YTHDC2: variants seen among roughly 807,000 people sequenced by gnomAD.
YTHDC2 encodes the protein YTH N6-methyladenosine RNA binding protein C2.
YTHDC2 carries 45 observed loss-of-function variants against 174.9 expected under a neutral mutation model. The ratio of observed to expected loss-of-function variants is 0.26; its 90% CI spans 0.20 to 0.33. The LOEUF (loss-of-function observed/expected upper bound fraction) is 0.33, where lower values mean the gene tolerates loss of function less well. YTHDC2 is among the 10% of genes least tolerant of loss of function. YTHDC2 has a pLI of 1.00. For missense variants in YTHDC2, 1,650 were observed against 1,723.7 expected (o/e 0.96, Z 0.76); for synonymous variants, 657 against 574.5 (o/e 1.14, Z -2.05).
At chr5:113,537,554 T>G (rs1002824914) in intron 7 of YTHDC2, among the ~76,000 whole-genome samples, 11 of 151,848 alleles carry the variant, frequency 7.2e-5, no homozygotes, top group Non-Finnish European at 1.6e-4. Context: ...TTTTTTTTTT[T>G]CTGTTCGTTC....
intron 10 of YTHDC2, among the ~76,000 whole-genome samples, chr5:113,548,008 ACTTT>A (rs1776005135): frequency 6.6e-6 from 1 of 152,170 alleles, no homozygotes; most frequent in Non-Finnish European, 1.5e-5. Context: ...TGGGAAATAA[ACTTT>A]CTGTCAGTGT....
intron 7 of YTHDC2, among the ~76,000 whole-genome samples, chr5:113,537,365 T>C (rs1334731647): frequency 5.4e-5 from 8 of 148,126 alleles, no homozygotes; most frequent in Admixed American, 6.6e-5. Flanking sequence ...CTCTCTCTTT[T>C]TTTTTTTTTT....
chr5:113,559,511 A>G (rs936720056), intron 17 of YTHDC2, among the ~76,000 whole-genome samples: 2 of 152,224 alleles, frequency 1.3e-5, no homozygotes, highest in Non-Finnish European at 2.9e-5. Flanking sequence ...GATAAAGCCC[A>G]TAGCACCAGA....
intron 26 of YTHDC2, among the ~76,000 whole-genome samples, chr5:113,586,032 ATTGT>A (rs1048059450): frequency 1.5e-4 from 23 of 152,128 alleles, no homozygotes; most frequent in African/African-American, 4.3e-4. Context: ...TAGGATTAGT[ATTGT>A]TTGAGTTGTT....
chr5:113,562,466 A>T (rs1777058886), intron 18 of YTHDC2, among the ~76,000 whole-genome samples: 1 of 151,702 alleles, frequency 6.6e-6, no homozygotes, highest in Admixed American at 6.6e-5. Context: ...CCCACTTCCC[A>T]ATGCTTATGT....
chr5:113,594,344 A>C lies in YTHDC2; in HGVS notation c.*870A>C, dbSNP rs1779153654. The C allele has an allele frequency of 6.6e-6, 1 of 152,180 alleles. No homozygotes were observed. 9.4% of individuals were successfully genotyped at this position (152,180 alleles called of 1,614,324 possible). On this transcript the variant is annotated 3_prime_UTR_variant, in exon 30 of 30. Coordinates refer to ENST00000161863, the MANE Select transcript of YTHDC2 (RefSeq NM_022828.5). ...CTTGATTGAAACAAGTTCAAAATTT[A>C]AACAAGTTCATACAAGTTTTTAAAA...
intron 9 of YTHDC2, among the ~76,000 whole-genome samples, chr5:113,541,838 A>G (rs1300922402): frequency 6.6e-6 from 1 of 152,120 alleles, no homozygotes; most frequent in Non-Finnish European, 1.5e-5. Context: ...CACATGCTAT[A>G]TAAAAAAACA....
At chr5:113,526,174 T>C (rs1774224714) in intron 3 of YTHDC2, among the ~76,000 whole-genome samples, 2 of 152,128 alleles carry the variant, frequency 1.3e-5, no homozygotes, top group South Asian at 4.1e-4. Flanking sequence ...TAATGTACAT[T>C]ATTTCCTACT....
intron 20 of YTHDC2, among the ~76,000 whole-genome samples, chr5:113,565,367 CAG>C (rs1438594169): frequency 6.6e-6 from 1 of 152,084 alleles, no homozygotes; most frequent in Non-Finnish European, 1.5e-5. Flanking sequence ...CCTTCAAAAG[CAG>C]AGAGGATAAA....
intron 4 of YTHDC2, among the ~76,000 whole-genome samples, chr5:113,528,121 A>G (rs1774403819): frequency 6.6e-6 from 1 of 152,214 alleles, no homozygotes; most frequent in South Asian, 2.1e-4. Flanking sequence ...AAGTTTCGAT[A>G]AAATGTAATA....
At position 113,553,580 on chromosome 5, in the gene YTHDC2, C is replaced by G. The variant is rs544931401; in HGVS notation, c.1868-10C>G. On this transcript the variant is annotated splice_polypyrimidine_tract_variant and intron_variant, in intron 13 of 29. Coordinates refer to ENST00000161863, the MANE Select transcript of YTHDC2 (RefSeq NM_022828.5). ...TGAGATTTAATATTAAAAAGTCATTCTTCTCCAAGGTGCAGTACTAATTTT... is the reference window on the plus strand; with the variant it reads ...TGAGATTTAATATTAAAAAGTCATTGTTCTCCAAGGTGCAGTACTAATTTT... 20 of 1,610,488 alleles carry G rather than the reference C, an allele frequency of 1.2e-5. No homozygotes were observed. The highest frequency in any genetic ancestry group is 1.7e-5 in the Non-Finnish European group (20 of 1,178,294).
intron 2 of YTHDC2, among the ~76,000 whole-genome samples, chr5:113,519,814 T>C (rs1378572480): frequency 6.6e-6 from 1 of 152,192 alleles, no homozygotes; most frequent in Admixed American, 6.5e-5. Context: ...TAATCAAGAT[T>C]AGAAATTTAC....
intron 10 of YTHDC2, among the ~76,000 whole-genome samples, chr5:113,545,725 T>C (rs1254539691): frequency 1.1e-5 from 1 of 89,588 alleles, no homozygotes; most frequent in African/African-American, 8.1e-5. Context: ...ATAATTGATC[T>C]CCATTTTTTT....
chr5:113,567,404 T>TTTTATATA (rs770114357), intron 22 of YTHDC2, 107 bp downstream of exon 22: 5 of 287,598 alleles, frequency 1.7e-5, no homozygotes, highest in African/African-American at 1.5e-4. Context: ...AATTAATTAG[T>TTTTATATA]TATATATATA....
At chr5:113,531,895 T>C (rs1055555702) in intron 4 of YTHDC2, among the ~76,000 whole-genome samples, 3 of 152,204 alleles carry the variant, frequency 2.0e-5, no homozygotes, top group Non-Finnish European at 4.4e-5. Context: ...ATAAATTGTT[T>C]TGGGGAGCAA....
intron 18 of YTHDC2, 125 bp from the exon 19 acceptor site, chr5:113,563,248 C>T: frequency 2.7e-6 from 2 of 751,146 alleles, no homozygotes; most frequent in Non-Finnish European, 4.0e-6. Flanking sequence ...GTTCCTTCTA[C>T]TGTTCATTCT....
In YTHDC2 at chr5:113,542,414, T is replaced by C; in HGVS notation, c.1406T>C (p.Met469Thr). Reference sequence around the variant, plus strand: ...CTTGAACCATGGTTAATAAAGGAAATGGATGCTTGCCTTTCTGATATATGG... The same window carrying C: ...CTTGAACCATGGTTAATAAAGGAAACGGATGCTTGCCTTTCTGATATATGG... ...NCLEPWLIKE[M>T]DACLSDIWLH... The change falls in exon 10 of 30, where the codon ATG becomes ACG. Residue 469 changes from methionine to threonine, a missense_variant. Met to Thr is a moderately conservative substitution (Grantham distance 81). Around this residue, in one of 5 missense-constraint regions of YTHDC2, gnomAD observed 411 missense variants for 380.6 expected, o/e 1.08. Coordinates refer to ENST00000161863, the MANE Select transcript of YTHDC2 (RefSeq NM_022828.5). 1 of 1,613,018 alleles carries C rather than the reference T, an allele frequency of 6.2e-7. No individual in the cohort carries two copies. The highest frequency in any genetic ancestry group is 8.5e-7 in the Non-Finnish European group (1 of 1,179,632).
intron 16 of YTHDC2, among the ~76,000 whole-genome samples, chr5:113,555,564 A>T (rs967830476): frequency 4.6e-5 from 7 of 152,182 alleles, no homozygotes; most frequent in African/African-American, 1.7e-4. Context: ...GCAGGAAGTA[A>T]AGTGGAAGTG....
At chr5:113,526,508 C>CA (rs1397616331) in intron 3 of YTHDC2, 78 bp from the exon 4 acceptor site, 57 of 1,239,176 alleles carry the variant, frequency 4.6e-5, no homozygotes, top group African/African-American at 1.4e-4. Flanking sequence ...CTAGGTTTGG[C>CA]AAAAAAAATT....
Sources: allele counts gnomAD v4.1 joint callset (sites outside exome capture counted in the v4.1 genomes callset), GRCh38; gene constraint gnomAD v4.1.1; regional missense constraint gnomAD v4.1.1; transcripts MANE v1.5; gene names NCBI Gene and HGNC (gene_info 2026-07-23, HGNC 2026-07-21).